Variants in MBD5 observed in about 807,000 individuals in gnomAD.
MBD5 encodes methyl-CpG binding domain protein 5.
MBD5 carries 13 observed loss-of-function variants against 117.3 expected under a neutral mutation model. The observed-to-expected ratio is 0.11, with a 90% CI of 0.07 to 0.18. The LOEUF is 0.18. Ranked by LOEUF, MBD5 falls within the 10% of genes least tolerant of loss-of-function variation. MBD5 has a pLI of 1.00. For missense variants in MBD5, 1,879 were observed against 2,093.8 expected (o/e 0.90, Z 2.00); for synonymous variants, 727 against 766.4 (o/e 0.95, Z 0.85).
chr2:148,070,988 A>T (rs1172819207), intron 1 of MBD5: 1 of 151,686 alleles, frequency 6.6e-6, no homozygotes, highest in African/African-American at 2.4e-5. Flanking sequence ...AGTAGCTGGG[A>T]TTACAGGCGC....
chr2:148,481,612 T>A (rs895029617), intron 8 of MBD5: 1 of 152,186 alleles, frequency 6.6e-6, no homozygotes, highest in African/African-American at 2.4e-5. Context: ...ACAATGGATT[T>A]ACAACAGGGA....
intron 4 of MBD5, among the ~76,000 whole-genome samples, chr2:148,354,276 C>T (rs550492406): frequency 2.6e-5 from 4 of 152,156 alleles, no homozygotes; most frequent in African/African-American, 9.6e-5. Context: ...CTCCACCCCC[C>T]ACCAACAGGC....
chr2:148,379,313 A>G (rs1266081034), intron 4 of MBD5, among the ~76,000 whole-genome samples: 1 of 152,148 alleles, frequency 6.6e-6, no homozygotes, highest in African/African-American at 2.4e-5. Context: ...TTTACCACAG[A>G]CTTCTCAACA....
intron 2 of MBD5, among the ~76,000 whole-genome samples, chr2:148,230,314 C>T (rs751021016): frequency 6.6e-6 from 1 of 152,154 alleles, no homozygotes; most frequent in Admixed American, 6.5e-5. Flanking sequence ...GCAGAAGAGC[C>T]TCACCCTATG....
chr2:148,507,817 T>G (rs1045947749), intron 12 of MBD5, among the ~76,000 whole-genome samples: 1 of 152,084 alleles, frequency 6.6e-6, no homozygotes, highest in South Asian at 2.1e-4. Context: ...TAACAGGTAT[T>G]TCTTTTACTA....
chr2:148,453,276 A>G (rs1369951949), intron 4 of MBD5, among the ~76,000 whole-genome samples: 2 of 152,208 alleles, frequency 1.3e-5, no homozygotes, highest in Non-Finnish European at 1.5e-5. Context: ...GAAGAAGCCA[A>G]TGTAAAGAAG....
At chr2:148,105,511 G>T (rs1420315380) in intron 1 of MBD5, among the ~76,000 whole-genome samples, 1 of 152,042 alleles carries the variant, frequency 6.6e-6, no homozygotes, top group Non-Finnish European at 1.5e-5. Flanking sequence ...GAGCCACCAC[G>T]CCCGGCAAGT....
intron 4 of MBD5, among the ~76,000 whole-genome samples, chr2:148,425,705 A>C (rs1705757925): frequency 6.6e-6 from 1 of 152,258 alleles, no homozygotes; most frequent in Admixed American, 6.5e-5. Flanking sequence ...GGTCAGCTTC[A>C]TCGCAGGGAT....
At chr2:148,135,587 T>C (rs866562785) in intron 1 of MBD5, among the ~76,000 whole-genome samples, 1 of 152,340 alleles carries the variant, frequency 6.6e-6, no homozygotes, top group African/African-American at 2.4e-5. Flanking sequence ...AGGGCTCGAC[T>C]TGTTTTTTCT....
At chr2:148,426,930 A>G (rs1401149469) in intron 4 of MBD5, among the ~76,000 whole-genome samples, 2 of 152,176 alleles carry the variant, frequency 1.3e-5, no homozygotes, top group Admixed American at 6.6e-5. Flanking sequence ...TCCAGAATCT[A>G]CCATGAACTC....
At chr2:148,041,531 AG>A (rs1190405089) in intron 1 of MBD5, among the ~76,000 whole-genome samples, 6 of 152,176 alleles carry the variant, frequency 3.9e-5, no homozygotes, top group Non-Finnish European at 8.8e-5. Flanking sequence ...GATTTGGAGA[AG>A]AACCACCATC....
At chr2:148,478,215 C>G (rs1403796324) in intron 8 of MBD5, among the ~76,000 whole-genome samples, 1 of 152,118 alleles carries the variant, frequency 6.6e-6, no homozygotes, top group African/African-American at 2.4e-5. Context: ...AAAATTTACT[C>G]GTGCTGTCAT....
chr2:148,142,743 C>T (rs1180929479), intron 1 of MBD5, among the ~76,000 whole-genome samples: 5 of 152,064 alleles, frequency 3.3e-5, no homozygotes, highest in Non-Finnish European at 1.5e-5. Context: ...ACAGAGCCTT[C>T]AGGAAGGAGC....
intron 1 of MBD5, among the ~76,000 whole-genome samples, chr2:148,117,869 C>T (rs1696677951): frequency 6.6e-6 from 1 of 152,176 alleles, no homozygotes; most frequent in African/African-American, 2.4e-5. Context: ...TGCTCAAGGT[C>T]TGATAGCTAG....
At chr2:148,156,487 G>A (rs1238575310) in intron 1 of MBD5, among the ~76,000 whole-genome samples, 1 of 152,192 alleles carries the variant, frequency 6.6e-6, no homozygotes, top group Admixed American at 6.5e-5. Context: ...TCTTCTGTAA[G>A]AATCTTTTCC....
At chr2:148,200,062 AT>A (rs1351189423) in intron 2 of MBD5, among the ~76,000 whole-genome samples, 1 of 152,168 alleles carries the variant, frequency 6.6e-6, no homozygotes, top group Non-Finnish European at 1.5e-5. Flanking sequence ...TCTGAAGTGC[AT>A]TATTTTGACT....
chr2:148,501,628 T>C (rs144515679), intron 11 of MBD5, among the ~76,000 whole-genome samples: 11 of 152,264 alleles, frequency 7.2e-5, no homozygotes, highest in East Asian at 5.8e-4. Flanking sequence ...AGAACCATGA[T>C]AGAGATTCTC....
intron 12 of MBD5, among the ~76,000 whole-genome samples, chr2:148,506,969 T>G (rs1682052040): frequency 6.6e-6 from 1 of 152,218 alleles, no homozygotes; most frequent in Admixed American, 6.5e-5. Flanking sequence ...TCTGCAGATA[T>G]GACATCTGGG....
At chr2:148,254,017 C>A (rs1415581676) in intron 3 of MBD5, among the ~76,000 whole-genome samples, 9 of 152,156 alleles carry the variant, frequency 5.9e-5, no homozygotes, top group Non-Finnish European at 1.0e-4. Context: ...ACCCTCTGGG[C>A]AGGAACACAT....
Sources: allele counts gnomAD v4.1 joint callset (sites outside exome capture counted in the v4.1 genomes callset), GRCh38; gene constraint gnomAD v4.1.1; transcripts MANE v1.5; gene names NCBI Gene and HGNC (gene_info 2026-07-23, HGNC 2026-07-21).